Variants in PAQR3 observed in about 807,000 individuals in gnomAD.
PAQR3 encodes Raf kinase trapping to Golgi.
PAQR3 carries 39 observed loss-of-function variants against 41.7 expected under a neutral mutation model. The ratio of observed to expected loss-of-function variants is 0.93; its 90% CI spans 0.72 to 1.22. PAQR3 has a LOEUF of 1.22. PAQR3 is among the 50% of genes most tolerant of loss of function. The pLI is 0.00. For missense variants in PAQR3, 366 were observed against 385.6 expected (o/e 0.95, Z 0.42); for synonymous variants, 140 against 140.6 (o/e 1.00, Z 0.03).
chr4:78,896,658 G>C (rs1446078065), intron 11 of PAQR3, among the ~76,000 whole-genome samples: 1 of 152,142 alleles, frequency 6.6e-6, no homozygotes, highest in African/African-American at 2.4e-5. Context: ...ATGTCTACTT[G>C]ATTTTTACAA....
intron 2 of PAQR3, among the ~76,000 whole-genome samples, chr4:78,931,796 T>C (rs2110163081): frequency 6.6e-6 from 1 of 152,330 alleles, no homozygotes; most frequent in Non-Finnish European, 1.5e-5. Context: ...CACATATTTA[T>C]GGCTGGGGGC....
chr4:78,896,648 A>T (rs1278195867), intron 11 of PAQR3, among the ~76,000 whole-genome samples: 1 of 152,198 alleles, frequency 6.6e-6, no homozygotes, highest in African/African-American at 2.4e-5. Flanking sequence ...TGAGACTAAT[A>T]TGTCTACTTG....
intron 11 of PAQR3, among the ~76,000 whole-genome samples, chr4:78,898,173 A>G (rs937231972): frequency 6.6e-6 from 1 of 152,198 alleles, no homozygotes; most frequent in African/African-American, 2.4e-5. Context: ...TGAGGATGGC[A>G]GTATTAGGTT....
In PAQR3 at chr4:78,918,698, T is replaced by C; in HGVS notation, c.*1841A>G. On this transcript the variant is annotated 3_prime_UTR_variant, in exon 6 of 6. Coordinates refer to ENST00000512733, the MANE Select transcript of PAQR3 (RefSeq NM_001040202.2). ...GACTGCAAAAATTGAAATGATTCAA[T>C]GTTTTTTTATTTTGAGAAAGTTTTA... 3.1e-6 allele frequency: 3 copies of C among 964,670 alleles called. No homozygotes were observed. The highest frequency in any genetic ancestry group is 3.7e-6 in the Non-Finnish European group (3 of 811,100). 59.8% of individuals were successfully genotyped at this position (964,670 alleles called of 1,614,324 possible).
At chr4:78,938,850 C>T (rs996716045) in intron 1 of PAQR3, among the ~76,000 whole-genome samples, 190 bp downstream of exon 1, 1 of 151,538 alleles carries the variant, frequency 6.6e-6, no homozygotes, top group Non-Finnish European at 1.5e-5. Context: ...ATGATTATTC[C>T]GTGGACCAAG....
chr4:78,895,392 G>A (rs1733649112), intron 11 of PAQR3, among the ~76,000 whole-genome samples: 1 of 152,128 alleles, frequency 6.6e-6, no homozygotes, highest in South Asian at 2.1e-4. Flanking sequence ...TGCTGAATTT[G>A]CCACATAGTT....
exon 13 of PAQR3, chr4:78,887,225 C>A (rs1222329127): frequency 1.2e-6 from 2 of 1,611,950 alleles, no homozygotes; most frequent in Non-Finnish European, 1.7e-6. Flanking sequence ...TCACTTTCTG[C>A]TCCACATAAC....
At chr4:78,887,498 C>T (rs16997408) in intron 12 of PAQR3, among the ~76,000 whole-genome samples, 21,410 of 152,030 alleles carry the variant, frequency 0.14, 2,791 homozygotes, top group African/African-American at 0.35. Context: ...TGCTGATTTA[C>T]ACAATAGAAA....
chr4:78,917,119 G>A lies in PAQR3; in HGVS notation c.*3420C>T, dbSNP rs1254409057. On this transcript the variant is annotated 3_prime_UTR_variant, in exon 6 of 6. Transcript: ENST00000512733. ...TTCAAATTCAGTTATAGTTACTTGA[G>A]ATGAATATATGCTGCAATTTGAGCT... 1 of 151,988 alleles carries A rather than the reference G, an allele frequency of 6.6e-6. No individual in the cohort carries two copies. The highest frequency in any genetic ancestry group is 1.9e-4 in the East Asian group (1 of 5,202). 9.4% of individuals were successfully genotyped at this position (151,988 alleles called of 1,614,324 possible).
chr4:78,899,422 T>G (rs899115038), intron 11 of PAQR3, among the ~76,000 whole-genome samples: 1 of 152,116 alleles, frequency 6.6e-6, no homozygotes, highest in Non-Finnish European at 1.5e-5. Context: ...ACTGGAATCT[T>G]TTTAGTAGGC....
chr4:78,898,656 T>C (rs1189266101), intron 11 of PAQR3, among the ~76,000 whole-genome samples: 1 of 145,466 alleles, frequency 6.9e-6, no homozygotes, highest in Non-Finnish European at 1.5e-5. Flanking sequence ...AGACTCCATC[T>C]CAAAAAAAAA....
At chr4:78,921,850 A>G (rs762506120) in intron 5 of PAQR3, 25 of 984,918 alleles carry the variant, frequency 2.5e-5, no homozygotes, top group Middle Eastern at 5.2e-4. Flanking sequence ...TTTAGTTTCC[A>G]TATCTCCACT....
downstream of PAQR3, among the ~76,000 whole-genome samples, chr4:78,909,842 A>G (rs1734488445): frequency 6.6e-6 from 1 of 152,204 alleles, no homozygotes. Context: ...ACCAATGTAT[A>G]ATCAGTGTAT....
intron 5 of PAQR3, among the ~76,000 whole-genome samples, chr4:78,921,457 T>C (rs1007706383): frequency 6.6e-6 from 1 of 151,950 alleles, no homozygotes. Context: ...GTACAGTACA[T>C]AGATTTTAAA....
chr4:78,919,500 C>T lies in PAQR3; in HGVS notation c.*1039G>A. The T allele has an allele frequency of 1.0e-6, 1 of 985,082 alleles. No individual in the cohort carries two copies. The highest frequency in any genetic ancestry group is 1.7e-5 in the African/African-American group (1 of 57,290). 61.0% of individuals were successfully genotyped at this position (985,082 alleles called of 1,614,324 possible). On this transcript the variant is annotated 3_prime_UTR_variant, in exon 6 of 6. Coordinates refer to ENST00000512733, the MANE Select transcript of PAQR3 (RefSeq NM_001040202.2). Reference sequence around the variant, plus strand: ...AAGATTCTGAGTTATCAATGCAATGCTAACACATGCAGAAACCGAGGACCA... The same window carrying T: ...AAGATTCTGAGTTATCAATGCAATGTTAACACATGCAGAAACCGAGGACCA...
rs952351725 is a variant in PAQR3 at position 78,919,781 on chromosome 4, C to G, written c.*758G>C. The G allele has an allele frequency of 7.0e-5, 69 of 983,900 alleles. No homozygotes were observed. Among genetic ancestry groups the G allele is most frequent in the Non-Finnish European group, 8.3e-5 (69 of 828,750 alleles). The allele number at this position is 983,900 out of a possible 1,614,324, so 60.9% of individuals were successfully genotyped here. A position where few individuals can be genotyped will look rare whatever the true frequency, so the allele number is the denominator to read the frequency against. ...GTTATTATATGGAATTAAATAATAT[C>G]TGGAATTAAAATGTTTAGGTGGCTA... On this transcript the variant is annotated 3_prime_UTR_variant, in exon 6 of 6. Coordinates refer to ENST00000512733, the MANE Select transcript of PAQR3 (RefSeq NM_001040202.2).
In PAQR3 at chr4:78,918,924, G is replaced by C. The variant is rs1735370621; in HGVS notation, c.*1615C>G. On this transcript the variant is annotated 3_prime_UTR_variant, in exon 6 of 6. Coordinates refer to ENST00000512733, the MANE Select transcript of PAQR3 (RefSeq NM_001040202.2). ...AAAATCTTCTATCACTTAACATATG[G>C]ATCAAAATTTTAACCTTATAAGGTA... is the stretch of plus-strand genomic sequence containing the variant. 1.0e-6 allele frequency: 1 copy of C among 984,734 alleles called. No individual in the cohort carries two copies. Among genetic ancestry groups the C allele is most frequent in the South Asian group, 4.7e-5 (1 of 21,258 alleles). The allele number at this position is 984,734 out of a possible 1,614,324, so 61.0% of individuals were successfully genotyped here. A position where few individuals can be genotyped will look rare whatever the true frequency, so the allele number is the denominator to read the frequency against.
intron 12 of PAQR3, among the ~76,000 whole-genome samples, chr4:78,887,749 G>T (rs924214196): frequency 2.6e-5 from 4 of 151,956 alleles, no homozygotes; most frequent in Non-Finnish European, 5.9e-5. Flanking sequence ...GTTTTTCACT[G>T]TTAAAAATTT....
At chr4:78,895,406 A>T (rs1417460662) in intron 11 of PAQR3, among the ~76,000 whole-genome samples, 1 of 152,232 alleles carries the variant, frequency 6.6e-6, no homozygotes, top group Admixed American at 6.5e-5. Context: ...CATAGTTTAT[A>T]ATTTTTCTAA....
Sources: gnomAD v4.1 joint callset for allele counts (sites outside exome capture counted in the v4.1 genomes callset) on GRCh38, gnomAD v4.1.1 for gene constraint, MANE v1.5 for transcripts, NCBI Gene and HGNC (gene_info 2026-07-23, HGNC 2026-07-21) for gene names.